Variants in RIMS2 observed in about 807,000 individuals in gnomAD.
RIMS2 encodes regulating synaptic membrane exocytosis protein 2.
A neutral mutation model predicts 174.4 loss-of-function variants in RIMS2; 59 were observed. That is an observed-to-expected ratio of 0.34 (90% CI 0.27 to 0.42). The LOEUF (loss-of-function observed/expected upper bound fraction) is 0.42. Among genes scored for constraint, RIMS2 ranks in the 10% least tolerant of loss-of-function variants. The pLI, the probability that RIMS2 is intolerant of heterozygous loss-of-function variation, is 1.00. For synonymous variants in RIMS2, 606 were observed against 572.5 expected (o/e 1.06, Z -0.84); for missense variants, 1,620 against 1,666.3 (o/e 0.97, Z 0.48).
intron 19 of RIMS2, among the ~76,000 whole-genome samples, chr8:104,075,988 T>C (rs2097283201): frequency 6.6e-6 from 1 of 152,218 alleles, no homozygotes; most frequent in Admixed American, 6.5e-5. Flanking sequence ...TCCTCCAGGA[T>C]TTTAATTAGT....
chr8:103,687,200 G>GACAT (rs1033478292), intron 1 of RIMS2, among the ~76,000 whole-genome samples: 2 of 151,878 alleles, frequency 1.3e-5, no homozygotes, highest in African/African-American at 4.8e-5. Flanking sequence ...TTCAAAGAAA[G>GACAT]ACATACATAC....
chr8:104,098,353 T>C (rs2097797525), intron 19 of RIMS2, among the ~76,000 whole-genome samples: 1 of 152,140 alleles, frequency 6.6e-6, no homozygotes, highest in Non-Finnish European at 1.5e-5. Flanking sequence ...TAGTTCCATA[T>C]TAAAATGTCA....
chr8:104,085,035 GA>G (rs1566270733), intron 19 of RIMS2, among the ~76,000 whole-genome samples: 2 of 152,144 alleles, frequency 1.3e-5, no homozygotes, highest in African/African-American at 2.4e-5. Context: ...TTTACACTAT[GA>G]GGTCAGAAAT....
At chr8:103,541,188 C>T (rs1842417084) in intron 1 of RIMS2, among the ~76,000 whole-genome samples, 1 of 152,160 alleles carries the variant, frequency 6.6e-6, no homozygotes. Context: ...TAAACGACCA[C>T]ATCAAGGCAT....
At position 103,647,885 on chromosome 8, in the gene RIMS2, A is replaced by AT. The variant is rs561501035; in HGVS notation, c.177-49192dup. ...CAAAAACCAGCTGCTGGGTTCATTG[A>AT]TTTTTTTTTGATTTTTTTTTTTTTT... is the stretch of plus-strand genomic sequence containing the variant. On this transcript the variant is annotated intron_variant, in intron 1 of 23. Transcript: ENST00000504942. Among the ~76,000 whole-genome samples, 39 of 116,740 alleles carry AT rather than the reference A, an allele frequency of 3.3e-4. 1 individual carries two copies. Among genetic ancestry groups the AT allele is most frequent in the East Asian group, 2.5e-3 (10 of 4,062 alleles). 76.6% of individuals were successfully genotyped at this position (116,740 alleles called of 152,430 possible).
chr8:104,074,866 T>A (rs1285765930), intron 19 of RIMS2, among the ~76,000 whole-genome samples: 1 of 151,974 alleles, frequency 6.6e-6, no homozygotes, highest in Non-Finnish European at 1.5e-5. Context: ...TCATTAATAG[T>A]GATGACATAA....
intron 4 of RIMS2, among the ~76,000 whole-genome samples, chr8:103,904,738 T>C (rs2074005850): frequency 6.6e-6 from 1 of 152,072 alleles, no homozygotes; most frequent in African/African-American, 2.4e-5. Flanking sequence ...ACAATATTGG[T>C]CTACAGCTCA....
Position 104,003,435 on chromosome 8 carries a change from A to G in RIMS2, c.3045-10007A>G, listed in dbSNP as rs1379478038. Among the ~76,000 whole-genome samples the G allele has an allele frequency of 6.1e-5, 9 of 148,546 alleles. No homozygotes were observed. In the East Asian group the frequency reaches 7.7e-4, roughly 13 times the overall value. On this transcript the variant is annotated intron_variant, in intron 17 of 23. Coordinates refer to ENST00000504942, the Ensembl canonical transcript of RIMS2. ...GAAGAATCTTTTTTTTTTTTTTGCAATGGAGTCTCACTCTGTCACCAGGCT... is the reference window on the plus strand; with the variant it reads ...GAAGAATCTTTTTTTTTTTTTTGCAGTGGAGTCTCACTCTGTCACCAGGCT...
At chr8:104,148,475 T>A (rs767846153) in intron 19 of RIMS2, 132 bp from the exon 25 acceptor site, 41 of 915,082 alleles carry the variant, frequency 4.5e-5, no homozygotes, top group Non-Finnish European at 6.5e-5. Flanking sequence ...GTATTTGAAA[T>A]TTTTTAACTC....
At chr8:104,246,874 A>C (rs2099335036) in intron 20 of RIMS2, among the ~76,000 whole-genome samples, 1 of 152,098 alleles carries the variant, frequency 6.6e-6, no homozygotes, top group East Asian at 1.9e-4. Context: ...GGGGCAGCTT[A>C]TGTAGACTTT....
intron 2 of RIMS2, among the ~76,000 whole-genome samples, chr8:103,765,417 A>G (rs1430421875): frequency 2.0e-5 from 3 of 152,178 alleles, no homozygotes; most frequent in Non-Finnish European, 2.9e-5. Flanking sequence ...TAGAGTTTCA[A>G]TCTTGCAGGA....
intron 3 of RIMS2, among the ~76,000 whole-genome samples, chr8:103,836,878 T>G (rs1176216382): frequency 6.6e-6 from 1 of 152,192 alleles, no homozygotes; most frequent in Non-Finnish European, 1.5e-5. Flanking sequence ...GTGTTGGCAT[T>G]GCAACAAATG....
intron 1 of RIMS2, among the ~76,000 whole-genome samples, chr8:103,514,402 G>A (rs1210319379): frequency 2.0e-5 from 3 of 152,122 alleles, no homozygotes; most frequent in Admixed American, 6.6e-5. Context: ...AACAATAAAG[G>A]AGGTGTATGT....
chr8:103,534,580 C>T (rs748593630), intron 1 of RIMS2, among the ~76,000 whole-genome samples: 3 of 151,174 alleles, frequency 2.0e-5, no homozygotes, highest in South Asian at 4.3e-4. Context: ...TATTTCCTAT[C>T]TGTGCAAAAA....
At chr8:103,794,667 T>A (rs934068251) in intron 3 of RIMS2, among the ~76,000 whole-genome samples, 17 of 151,860 alleles carry the variant, frequency 1.1e-4, no homozygotes, top group African/African-American at 3.9e-4. Context: ...TGGGAGAAAA[T>A]TTTTATAATC....
At chr8:103,551,904 G>A (rs1421195352) in intron 1 of RIMS2, among the ~76,000 whole-genome samples, 1 of 152,070 alleles carries the variant, frequency 6.6e-6, no homozygotes, top group Non-Finnish European at 1.5e-5. Flanking sequence ...GGGATGTGAA[G>A]GACCTCTTCA....
intron 19 of RIMS2, among the ~76,000 whole-genome samples, chr8:104,197,117 G>A (rs1227351013): frequency 6.6e-6 from 1 of 150,942 alleles, no homozygotes; most frequent in African/African-American, 2.4e-5. Flanking sequence ...TATTTTGATG[G>A]TATGTTTTGT....
intron 19 of RIMS2, among the ~76,000 whole-genome samples, chr8:104,184,435 A>C (rs1001235839): frequency 6.6e-6 from 1 of 151,554 alleles, no homozygotes; most frequent in Non-Finnish European, 1.5e-5. Flanking sequence ...TAGATTAAAA[A>C]CTACTAGAGA....
At chr8:103,898,892 G>A (rs2099310203) in intron 4 of RIMS2, among the ~76,000 whole-genome samples, 1 of 143,422 alleles carries the variant, frequency 7.0e-6, no homozygotes, top group East Asian at 2.1e-4. Flanking sequence ...CCCCACAACA[G>A]GCCCCAGTGT....
Sources: allele counts gnomAD v4.1 joint callset (sites outside exome capture counted in the v4.1 genomes callset), GRCh38; gene constraint gnomAD v4.1.1; transcripts MANE v1.5; gene names NCBI Gene and HGNC (gene_info 2026-07-23, HGNC 2026-07-21).